The following DOCK4 variants were observed in gnomAD, a reference collection of about 807,000 sequenced individuals.
The protein encoded by DOCK4 is dedicator of cytokinesis 4.
A neutral mutation model predicts 268.1 loss-of-function variants in DOCK4; 97 were observed. That is an observed-to-expected ratio of 0.36 (90% CI 0.31 to 0.43). The LOEUF (loss-of-function observed/expected upper bound fraction) is 0.43. Ranked by LOEUF, DOCK4 falls within the 20% of genes least tolerant of loss-of-function variation. DOCK4 has a pLI of 1.00. For missense variants in DOCK4, 2,145 were observed against 2,455.7 expected (o/e 0.87, Z 2.67); for synonymous variants, 954 against 887.2 (o/e 1.08, Z -1.34).
At chr7:111,983,340 T>C (rs1395632137) in intron 7 of DOCK4, among the ~76,000 whole-genome samples, 3 of 152,170 alleles carry the variant, frequency 2.0e-5, no homozygotes, top group Admixed American at 1.3e-4. Flanking sequence ...TGAAAAGATA[T>C]GCCAAAAGAG....
intron 1 of DOCK4, among the ~76,000 whole-genome samples, chr7:112,150,003 A>C (rs1427729933): frequency 6.6e-6 from 1 of 152,220 alleles, no homozygotes; most frequent in Non-Finnish European, 1.5e-5. Flanking sequence ...ACACTGTCTT[A>C]TCGAATCCTT....
At chr7:112,106,083 G>T (rs1158313589) in intron 1 of DOCK4, among the ~76,000 whole-genome samples, 2 of 152,214 alleles carry the variant, frequency 1.3e-5, no homozygotes, top group Non-Finnish European at 2.9e-5. Flanking sequence ...GTGGCTTGTG[G>T]CAAGAGAAGA....
chr7:112,101,797 A>G (rs1012615830), intron 1 of DOCK4, among the ~76,000 whole-genome samples: 18 of 148,332 alleles, frequency 1.2e-4, no homozygotes, highest in Admixed American at 1.3e-4. Context: ...CTTATCCTCC[A>G]CCCATCATTT....
chr7:111,845,021 T>G, intron 24 of DOCK4, 124 bp from the exon 25 acceptor site: 1 of 1,325,186 alleles, frequency 7.5e-7, no homozygotes, highest in Non-Finnish European at 1.0e-6. Flanking sequence ...GTGAATGATC[T>G]CCTTTTACAG....
At chr7:112,176,755 C>G (rs1479717095) in intron 1 of DOCK4, among the ~76,000 whole-genome samples, 1 of 152,180 alleles carries the variant, frequency 6.6e-6, no homozygotes, top group Non-Finnish European at 1.5e-5. Context: ...TTTCTTTCAA[C>G]CAACTGCATT....
intron 1 of DOCK4, among the ~76,000 whole-genome samples, chr7:112,066,923 C>G (rs7796169): frequency 6.7e-6 from 1 of 149,560 alleles, no homozygotes; most frequent in African/African-American, 2.5e-5. Context: ...AGCAGGAGGA[C>G]TGCTTGAGCC....
chr7:111,979,186 T>G (rs1020856164), intron 7 of DOCK4, among the ~76,000 whole-genome samples: 4 of 152,144 alleles, frequency 2.6e-5, no homozygotes, highest in Admixed American at 2.6e-4. Context: ...ATCACTAGAA[T>G]TTTTTCGTGC....
At chr7:112,016,086 A>G (rs1801785735) in intron 1 of DOCK4, among the ~76,000 whole-genome samples, 1 of 152,230 alleles carries the variant, frequency 6.6e-6, no homozygotes, top group Admixed American at 6.5e-5. Context: ...AACTTATACT[A>G]TTAACTATTC....
At position 111,784,107 on chromosome 7, in the gene DOCK4, G is replaced by A. The variant is rs1432722223; in HGVS notation, c.3418C>T (p.Pro1140Ser). The A allele has an allele frequency of 6.3e-7, 1 of 1,579,308 alleles. No individual in the cohort carries two copies. The highest frequency in any genetic ancestry group is 1.1e-5 in the South Asian group (1 of 87,340). The change falls in exon 33 of 53, where the codon CCC (proline) becomes TCC (serine). Residue 1140 changes from proline to serine, a missense_variant. Pro to Ser is a moderately conservative substitution (Grantham distance 74). Transcript: ENST00000428084. ...LFNSIIPLFG[P>S]YPSLLKKIER... is the part of the protein sequence containing the mutation. The stretch of plus-strand genomic sequence containing the variant: ...CAAACAATGTCTTACCTAGGATAGG[G>A]ACCAAATAGTGGAATTCTAATCCAG...
chr7:111,842,164 T>C (rs986485364), intron 25 of DOCK4, among the ~76,000 whole-genome samples: 2 of 152,006 alleles, frequency 1.3e-5, no homozygotes, highest in Non-Finnish European at 1.5e-5. Context: ...GAACATCAAA[T>C]ATAAAACAAA....
At chr7:111,893,999 G>A (rs1441339346) in intron 16 of DOCK4, among the ~76,000 whole-genome samples, 1 of 152,120 alleles carries the variant, frequency 6.6e-6, no homozygotes, top group Non-Finnish European at 1.5e-5. Flanking sequence ...TGAGGTGGGC[G>A]GATCACGAGG....
intron 8 of DOCK4, among the ~76,000 whole-genome samples, chr7:111,958,593 G>C (rs144453779): frequency 5.1e-4 from 77 of 152,254 alleles, no homozygotes; most frequent in African/African-American, 1.8e-3. Flanking sequence ...TAAGTAAAAA[G>C]AGACAAGTAG....
intron 1 of DOCK4, among the ~76,000 whole-genome samples, chr7:112,009,015 A>T (rs1156340744): frequency 6.6e-6 from 1 of 152,162 alleles, no homozygotes; most frequent in African/African-American, 2.4e-5. Flanking sequence ...ACAAACAAAG[A>T]ATTATTATAA....
chr7:111,853,796 G>A (rs1158194999), intron 23 of DOCK4, among the ~76,000 whole-genome samples: 3 of 152,120 alleles, frequency 2.0e-5, no homozygotes, highest in Non-Finnish European at 4.4e-5. Context: ...CCTGGCCTGG[G>A]ACTCCTACAT....
chr7:111,868,517 C>T (rs187504691), intron 21 of DOCK4, among the ~76,000 whole-genome samples: 122 of 152,224 alleles, frequency 8.0e-4, no homozygotes, highest in African/African-American at 2.5e-3. Flanking sequence ...TCGAGACCAG[C>T]CTGACCAACA....
intron 30 of DOCK4, among the ~76,000 whole-genome samples, chr7:111,805,255 T>C (rs1258604889): frequency 2.6e-5 from 4 of 152,186 alleles, no homozygotes; most frequent in African/African-American, 9.6e-5. Flanking sequence ...TGGGTGCTCA[T>C]GGCCCTGCTT....
intron 27 of DOCK4, among the ~76,000 whole-genome samples, chr7:111,813,109 T>C (rs1418378265): frequency 1.3e-5 from 2 of 152,204 alleles, no homozygotes; most frequent in Non-Finnish European, 2.9e-5. Flanking sequence ...CCCCTTGAGC[T>C]ACTATAAACT....
At chr7:111,770,223 C>CAAAAA (rs756689437) in intron 36 of DOCK4, among the ~76,000 whole-genome samples, 2 of 69,538 alleles carry the variant, frequency 2.9e-5, no homozygotes, top group Non-Finnish European at 6.7e-5. Context: ...GAGTGAAGAC[C>CAAAAA]AAAAAAAAAA....
intron 8 of DOCK4, chr7:111,976,507 A>G (rs1798218192): frequency 6.6e-6 from 1 of 151,584 alleles, no homozygotes; most frequent in Non-Finnish European, 1.5e-5. Flanking sequence ...ATTTTAGACA[A>G]AAAAGTTTTA....
Sources: allele counts gnomAD v4.1 joint callset (sites outside exome capture counted in the v4.1 genomes callset), GRCh38; gene constraint gnomAD v4.1.1; transcripts MANE v1.5; gene names NCBI Gene and HGNC (gene_info 2026-07-23, HGNC 2026-07-21).